TERT: variants seen among roughly 807,000 people sequenced by gnomAD.
TERT encodes the protein telomerase catalytic subunit.
In TERT, 42 loss-of-function variants were observed where a neutral mutation model predicts 104.0. The ratio of observed to expected loss-of-function variants is 0.40; its 90% CI spans 0.32 to 0.52. The LOEUF is 0.52. TERT is among the 20% of genes least tolerant of loss of function. TERT has a pLI of 0.43. For missense variants in TERT, 1,101 were observed against 1,610.3 expected, an observed-to-expected ratio of 0.68 and a Z score of 5.41; for synonymous variants, 781 against 725.6, an observed-to-expected ratio of 1.08 and a Z score of -1.23.
At position 1,264,270 on chromosome 5, in the gene TERT, G is replaced by A. The variant is rs559450044; in HGVS notation, c.2843+134C>T. 1.1e-5 allele frequency: 10 copies of A among 922,556 alleles called. No homozygotes were observed. The East Asian group carries it at 2.6e-4, about 24-fold the overall frequency. The allele number at this position is 922,556 out of a possible 1,614,324, so 57.1% of individuals were successfully genotyped here. A position where few individuals can be genotyped will look rare whatever the true frequency, so the allele number is the denominator to read the frequency against. On this transcript the variant is annotated intron_variant, in intron 11 of 15. Coordinates refer to ENST00000310581, the MANE Select transcript of TERT (RefSeq NM_198253.3). ...CTGCTCAGCCCCAGATGGGACGAGG[G>A]GCACCCTGTGGCCTCTGACCCTTTG...
chr5:1,277,561 C>T (rs567648703), intron 6 of TERT, among the ~76,000 whole-genome samples: 1 of 130,938 alleles, frequency 7.6e-6, no homozygotes, highest in Non-Finnish European at 1.6e-5. Flanking sequence ...GAGGTCGGAA[C>T]GAGGGTCACG....
At position 1,272,298 on chromosome 5, in the gene TERT, G is replaced by A; in HGVS notation, c.2287-18C>T. The stretch of plus-strand genomic sequence containing the variant: ...GTAGAGACCTGCCGGCAGAGGAGAG[G>A]GCATGAGCCACAAATGTGGCCTGCC... On this transcript the variant is annotated intron_variant, in intron 6 of 15. Coordinates refer to ENST00000310581, the MANE Select transcript of TERT (RefSeq NM_198253.3). The A allele has an allele frequency of 6.2e-7, 1 of 1,602,588 alleles. No individual in the cohort carries two copies.
At position 1,263,992 on chromosome 5, in the gene TERT, G is replaced by A. The variant is rs934683673; in HGVS notation, c.2843+412C>T. ...CCCAAAAGGGCCCTGAAGTCTCTGG[G>A]TTCGGAGAGACTCACGCCCAGCAGG... On this transcript the variant is annotated intron_variant, in intron 11 of 15. Transcript: ENST00000310581. The surrounding 1 kb of genome is among the most constrained non-coding windows in gnomAD (Gnocchi z 5.3). 1.3e-5 allele frequency among the ~76,000 whole-genome samples: 2 copies of A among 151,612 alleles called. No homozygotes were observed. The highest frequency in any genetic ancestry group is 2.9e-5 in the Non-Finnish European group (2 of 67,992).
rs947888461 is a variant in TERT, at chr5:1,255,838, C to T, written c.3033-427G>A. ...CAACCTTGATGTCATCGTATATCAA[C>T]GTCCTGCGCATCCCTTCTGAGCCAC... is the stretch of plus-strand genomic sequence containing the variant. On this transcript the variant is annotated intron_variant, in intron 13 of 15. Transcript: ENST00000310581. The surrounding 1 kb of genome is among the most constrained non-coding windows in gnomAD (Gnocchi z 6.9). Among the ~76,000 whole-genome samples the T allele has an allele frequency of 1.3e-5, 2 of 152,254 alleles. No homozygotes were observed. The highest frequency in any genetic ancestry group is 2.9e-5 in the Non-Finnish European group (2 of 68,008).
intron 6 of TERT, 84 bp from the exon 7 acceptor site, chr5:1,272,364 G>C: frequency 8.2e-7 from 1 of 1,215,784 alleles, no homozygotes; most frequent in East Asian, 2.5e-5. Flanking sequence ...ATCAGGACGT[G>C]TGGACCTGCG....
chr5:1,268,364 T>C lies in TERT; in HGVS notation c.2582+156A>G, dbSNP rs1367965529. Among the ~76,000 whole-genome samples, 3 of 152,120 alleles carry C rather than the reference T, an allele frequency of 2.0e-5. No individual in the cohort carries two copies. In the East Asian group the frequency reaches 5.8e-4, roughly 29 times the overall value. ...CGCAGTCCTCAGGCTGTGCAACCCC[T>C]CCCGTGCGGCTTCATACCAAGAAGG... On this transcript the variant is annotated intron_variant, in intron 9 of 15. Transcript: ENST00000310581. This position sits in a 1 kb window ranked among gnomAD's most constrained non-coding sequence, Gnocchi z 5.5.
Position 1,256,619 on chromosome 5 carries a change from A to G in TERT, c.3033-1208T>C, listed in dbSNP as rs1747757103. On this transcript the variant is annotated intron_variant, in intron 13 of 15. Coordinates refer to ENST00000310581, the MANE Select transcript of TERT (RefSeq NM_198253.3). This position sits in a 1 kb window ranked among gnomAD's most constrained non-coding sequence, Gnocchi z 7.0. ...CCTGAGCCACTTCTGGAATGACCTGAGATCACACCAGTCAAGCCAGCACCC... is the reference window on the plus strand; with the variant it reads ...CCTGAGCCACTTCTGGAATGACCTGGGATCACACCAGTCAAGCCAGCACCC... Among the ~76,000 whole-genome samples the G allele has an allele frequency of 6.6e-6, 1 of 152,008 alleles. No individual in the cohort carries two copies. The highest frequency in any genetic ancestry group is 1.5e-5 in the Non-Finnish European group (1 of 67,996).
chr5:1,266,207 G>A (rs980777355), intron 10 of TERT, among the ~76,000 whole-genome samples: 3 of 152,242 alleles, frequency 2.0e-5, no homozygotes, highest in South Asian at 2.1e-4. Flanking sequence ...GTCACCGCCT[G>A]CACTCACCAC....
Position 1,288,778 on chromosome 5 carries a change from T to C in TERT, c.1573+4535A>G, listed in dbSNP as rs559700428. On this transcript the variant is annotated intron_variant, in intron 2 of 15. Transcript: ENST00000310581. This position sits in a 1 kb window ranked among gnomAD's most constrained non-coding sequence, Gnocchi z 5.3. ...CATGAGACAAGCTGGGAGAGGAGTA[T>C]TGGCAGCATGCATGTGGCGGGCACG... Among the ~76,000 whole-genome samples, 1 of 152,190 alleles carries C rather than the reference T, an allele frequency of 6.6e-6. No individual in the cohort carries two copies. The highest frequency in any genetic ancestry group is 1.9e-4 in the East Asian group (1 of 5,160).
At chr5:1,254,044 C>T (rs1747534056) in intron 15 of TERT, among the ~76,000 whole-genome samples, 1 of 152,200 alleles carries the variant, frequency 6.6e-6, no homozygotes, top group Non-Finnish European at 1.5e-5. Context: ...AGAACTTGCT[C>T]AGGACCCCAG....
At position 1,255,520 on chromosome 5, in the gene TERT, A is replaced by C; in HGVS notation, c.3033-109T>G. 2.1e-6 allele frequency: 3 copies of C among 1,401,146 alleles called. No homozygotes were observed. Among genetic ancestry groups the C allele is most frequent in the Non-Finnish European group, 3.0e-6 (3 of 997,046 alleles). 86.8% of individuals were successfully genotyped at this position (1,401,146 alleles called of 1,614,324 possible). On this transcript the variant is annotated intron_variant, in intron 13 of 15. Coordinates refer to ENST00000310581, the MANE Select transcript of TERT (RefSeq NM_198253.3). This position sits in a 1 kb window ranked among gnomAD's most constrained non-coding sequence, Gnocchi z 6.9. ...TGTGTGCGTGCATGAATGCACATGC[A>C]TGGGTTTCCTCATGGGCACAGGTGC... is the stretch of plus-strand genomic sequence containing the variant.
intron 6 of TERT, among the ~76,000 whole-genome samples, chr5:1,277,091 A>C (rs573398415): frequency 8.5e-5 from 13 of 152,326 alleles, no homozygotes; most frequent in Admixed American, 2.6e-4. Flanking sequence ...GGCGGCCAGC[A>C]CGGGAACACT....
rs1374368302 is a variant in TERT, at chr5:1,255,490, G to A, written c.3033-79C>T. 2 of 1,583,224 alleles carry A rather than the reference G, an allele frequency of 1.3e-6. No homozygotes were observed. The highest frequency in any genetic ancestry group is 2.7e-5 in the African/African-American group (2 of 74,480). ...CGTGGGTGTGGGCATGGGCCCACCG[G>A]TGCCTGTGTGCGTGCATGAATGCAC... On this transcript the variant is annotated intron_variant, in intron 13 of 15. Transcript: ENST00000310581. This position sits in a 1 kb window ranked among gnomAD's most constrained non-coding sequence, Gnocchi z 6.9.
Position 1,293,841 on chromosome 5 carries a change from A to T in TERT, c.1045T>A (p.Ser349Thr). ...GCGCCAGTCAGGCTGGGCCTCAGAG[A>T]GCTGAGTAGGAAGGAGGGCCGCAGC... The part of the protein sequence containing the change: ...EQLRPSFLLS[S>T]LRPSLTGARR... The change falls in exon 2 of 16, where the codon TCT (serine) becomes ACT (threonine). Residue 349 changes from serine to threonine, a missense_variant. Physicochemically the swap from Ser to Thr is moderately conservative, Grantham distance 58. This residue lies in a region of TERT where 504 missense variants were observed against 544.6 expected (regional missense o/e 0.93). Coordinates refer to ENST00000310581, the MANE Select transcript of TERT (RefSeq NM_198253.3). 6.5e-7 allele frequency: 1 copy of T among 1,548,528 alleles called. No homozygotes were observed. The highest frequency in any genetic ancestry group is 8.7e-7 in the Non-Finnish European group (1 of 1,146,988).
rs35659884 is a variant in TERT at position 1,280,474 on chromosome 5, C to T, written c.1770-136G>A. ...GGCAGCACACGCTGAAGGCCATGCC[C>T]GGGGCCACGTCCACCCATGCCAGCC... On this transcript the variant is annotated intron_variant, in intron 3 of 15. Transcript: ENST00000310581. 2.3e-4 allele frequency: 220 copies of T among 977,132 alleles called. No individual in the cohort carries two copies. The African/African-American group carries it at 3.2e-3, about 14-fold the overall frequency. The allele number at this position is 977,132 out of a possible 1,614,324, so 60.5% of individuals were successfully genotyped here.
chr5:1,281,573 A>T (rs1750023227), intron 3 of TERT, among the ~76,000 whole-genome samples: 1 of 152,222 alleles, frequency 6.6e-6, no homozygotes. Context: ...TCCAGCTTGA[A>T]TCTGTCACAA....
intron 2 of TERT, among the ~76,000 whole-genome samples, chr5:1,283,171 C>T: frequency 6.8e-6 from 1 of 146,958 alleles, no homozygotes; most frequent in African/African-American, 2.5e-5. Flanking sequence ...GGCGACCTCA[C>T]CCCAGACCTG....
At position 1,294,967 on chromosome 5, in the gene TERT, C is replaced by G. The variant is rs1379224925; in HGVS notation, c.23G>C (p.Arg8Pro). 7.4e-7 allele frequency: 1 copy of G among 1,344,580 alleles called. No homozygotes were observed. Among genetic ancestry groups the G allele is most frequent in the Non-Finnish European group, 9.5e-7 (1 of 1,054,836 alleles). The allele number at this position is 1,344,580 out of a possible 1,614,324, so 83.3% of individuals were successfully genotyped here. Residue 8 changes from arginine to proline, a missense_variant, in exon 1 of 16, where the codon CGA (arginine) becomes CCA (proline). Arg to Pro is a moderately radical substitution (Grantham distance 103). This residue lies in a region of TERT where 87 missense variants were observed against 145.4 expected (regional missense o/e 0.60). Coordinates refer to ENST00000310581, the MANE Select transcript of TERT (RefSeq NM_198253.3). ...GCTGCGCAGCAGGGAGCGCACGGCT[C>G]GGCAGCGGGGAGCGCGCGGCATCGC... MPRAPRCRAVRSLLRSHY... is the reference protein window; with the variant it reads MPRAPRCPAVRSLLRSHY...
Position 1,257,154 on chromosome 5 carries a change from A to G in TERT, c.3032+1444T>C, listed in dbSNP as rs555627635. Among the ~76,000 whole-genome samples the G allele has an allele frequency of 1.7e-4, 26 of 152,120 alleles. No individual in the cohort carries two copies. Among genetic ancestry groups the G allele is most frequent in the South Asian group, 1.3e-3 (6 of 4,800 alleles). ...CAAGCGACTACCCAAGGGTCCCCAC[A>G]TGGGTGGGGAAACTCAGCCGCCCTG... On this transcript the variant is annotated intron_variant, in intron 13 of 15. Coordinates refer to ENST00000310581, the MANE Select transcript of TERT (RefSeq NM_198253.3). This position sits in a 1 kb window ranked among gnomAD's most constrained non-coding sequence, Gnocchi z 5.6.
Sources: allele counts gnomAD v4.1 joint callset (sites outside exome capture counted in the v4.1 genomes callset), GRCh38; gene constraint gnomAD v4.1.1; regional missense constraint gnomAD v4.1.1; non-coding constraint Gnocchi (gnomAD v3.1); transcripts MANE v1.5; gene names NCBI Gene and HGNC (gene_info 2026-07-23, HGNC 2026-07-21).